The following LSAMP variants were observed in gnomAD, a reference collection of about 807,000 sequenced individuals.
The protein encoded by LSAMP is limbic system-associated membrane protein.
A neutral mutation model predicts 38.6 loss-of-function variants in LSAMP; 7 were observed. The observed-to-expected ratio is 0.18, with a 90% CI of 0.10 to 0.34. The LOEUF (loss-of-function observed/expected upper bound fraction) is 0.34. Ranked by LOEUF, LSAMP falls within the 10% of genes least tolerant of loss-of-function variation. The probability of loss-of-function intolerance (pLI) is 1.00; values close to 1 mark genes in which losing one functional copy is unlikely to be tolerated. For synonymous variants in LSAMP, 154 were observed against 166.8 expected (o/e 0.92, Z 0.59); for missense variants, 313 against 420.0 (o/e 0.75, Z 2.23).
At position 116,388,687 on chromosome 3, in the gene LSAMP, C is replaced by G. The variant is rs1159484710; in HGVS notation, c.155+56190G>C. Among the ~76,000 whole-genome samples the G allele has an allele frequency of 3.0e-4, 46 of 152,112 alleles. 1 individual carries two copies. The highest frequency in any genetic ancestry group is 2.2e-4 in the Non-Finnish European group (15 of 68,012). On this transcript the variant is annotated intron_variant, in intron 1 of 6. Coordinates refer to ENST00000490035, the MANE Select transcript of LSAMP (RefSeq NM_002338.5). ...TTCTCTGCTCCTTATTCCCAATAAA[C>G]AAAGTAAAGAGCCTGAAATATCCAA...
At chr3:116,321,263 C>T (rs368273550) in intron 1 of LSAMP, among the ~76,000 whole-genome samples, 1 of 152,066 alleles carries the variant, frequency 6.6e-6, no homozygotes, top group Non-Finnish European at 1.5e-5. Context: ...GTCCCAGCTA[C>T]TTGGGAGGCT....
At chr3:116,343,442 A>G (rs1442282303) in intron 1 of LSAMP, among the ~76,000 whole-genome samples, 4 of 152,152 alleles carry the variant, frequency 2.6e-5, no homozygotes, top group African/African-American at 9.7e-5. Context: ...TGTTATTTAT[A>G]TTCTAATGGT....
At chr3:116,380,409 TA>T (rs1481090299) in intron 1 of LSAMP, among the ~76,000 whole-genome samples, 1 of 152,036 alleles carries the variant, frequency 6.6e-6, no homozygotes, top group Non-Finnish European at 1.5e-5. Context: ...TTATGTCCTA[TA>T]TTTCCTTTAT....
At chr3:116,411,608 T>A (rs1238103166) in intron 1 of LSAMP, among the ~76,000 whole-genome samples, 1 of 114,344 alleles carries the variant, frequency 8.7e-6, no homozygotes, top group Non-Finnish European at 1.7e-5. Context: ...GGGGAACATC[T>A]CACTCTGGGG....
intron 1 of LSAMP, among the ~76,000 whole-genome samples, chr3:116,094,615 C>A (rs936570186): frequency 6.6e-6 from 1 of 152,124 alleles, no homozygotes; most frequent in Non-Finnish European, 1.5e-5. Context: ...GTAAGAACAC[C>A]GAGGTAGTAG....
chr3:116,217,573 G>C (rs1220739182), intron 1 of LSAMP, among the ~76,000 whole-genome samples: 1 of 152,160 alleles, frequency 6.6e-6, no homozygotes, highest in Non-Finnish European at 1.5e-5. Flanking sequence ...GTGAGAAGAA[G>C]TACATTGGAT....
chr3:116,269,464 T>A (rs2046941017), intron 1 of LSAMP, among the ~76,000 whole-genome samples: 1 of 152,112 alleles, frequency 6.6e-6, no homozygotes, highest in Non-Finnish European at 1.5e-5. Flanking sequence ...AACAAATATT[T>A]GCTCAAGTTT....
intron 1 of LSAMP, among the ~76,000 whole-genome samples, chr3:116,200,167 T>C (rs2045970473): frequency 6.6e-6 from 1 of 151,868 alleles, no homozygotes; most frequent in South Asian, 2.1e-4. Context: ...AACTTGTTGA[T>C]CAACTAATAA....
chr3:115,846,218 C>T (rs1935153868), intron 4 of LSAMP, among the ~76,000 whole-genome samples: 1 of 152,076 alleles, frequency 6.6e-6, no homozygotes, highest in African/African-American at 2.4e-5. Context: ...ACAGAGAGGT[C>T]CATTGTTATT....
chr3:116,165,439 A>T (rs1467026109), intron 1 of LSAMP, among the ~76,000 whole-genome samples: 1 of 152,180 alleles, frequency 6.6e-6, no homozygotes, highest in African/African-American at 2.4e-5. Flanking sequence ...CACCTAGTGG[A>T]GCAATTGGAG....
chr3:115,901,871 C>T (rs1417367640), intron 3 of LSAMP, among the ~76,000 whole-genome samples: 1 of 151,916 alleles, frequency 6.6e-6, no homozygotes, highest in Non-Finnish European at 1.5e-5. Context: ...CAAAAATTGA[C>T]CACATTCAGA....
intron 1 of LSAMP, among the ~76,000 whole-genome samples, chr3:116,172,818 T>C (rs908382355): frequency 1.3e-5 from 2 of 152,010 alleles, no homozygotes; most frequent in Admixed American, 6.6e-5. Context: ...CTTGATAACC[T>C]AAAGGTAAGG....
chr3:116,110,744 G>A (rs950314453), intron 1 of LSAMP, among the ~76,000 whole-genome samples: 1 of 152,168 alleles, frequency 6.6e-6, no homozygotes, highest in African/African-American at 2.4e-5. Context: ...AAGAGCAGGA[G>A]AACAGGGGAT....
chr3:116,413,914 C>A lies in LSAMP; in HGVS notation c.155+30963G>T, dbSNP rs988616205. ...TCACAGAAAATTACAAAAAAAAAAA[C>A]AAACCAAAAAAACAGGAAACTGCTT... On this transcript the variant is annotated intron_variant, in intron 1 of 6. Transcript: ENST00000490035. Among the ~76,000 whole-genome samples the A allele has an allele frequency of 3.6e-3, 461 of 128,396 alleles. 2 individuals are homozygous for A. Among genetic ancestry groups the A allele is most frequent in the African/African-American group, 0.011 (388 of 36,594 alleles). 84.2% of individuals were successfully genotyped at this position (128,396 alleles called of 152,430 possible).
chr3:115,857,843 G>A (rs2107530284), intron 3 of LSAMP, among the ~76,000 whole-genome samples: 1 of 152,270 alleles, frequency 6.6e-6, no homozygotes, highest in East Asian at 1.9e-4. Context: ...AGGGCCTAGA[G>A]CTAATGGCAA....
At chr3:116,125,754 T>A (rs9868784) in intron 1 of LSAMP, among the ~76,000 whole-genome samples, 1 of 152,058 alleles carries the variant, frequency 6.6e-6, no homozygotes, top group Non-Finnish European at 1.5e-5. Flanking sequence ...AATAAATAAA[T>A]AGAGAAAAAG....
At chr3:116,275,772 C>T (rs2047043123) in intron 1 of LSAMP, among the ~76,000 whole-genome samples, 1 of 152,148 alleles carries the variant, frequency 6.6e-6, no homozygotes, top group African/African-American at 2.4e-5. Context: ...ATTTCCATCT[C>T]TAATTCCTAC....
chr3:115,987,462 C>G (rs889814130), intron 3 of LSAMP, among the ~76,000 whole-genome samples: 1 of 152,136 alleles, frequency 6.6e-6, no homozygotes. Context: ...AAACAATATT[C>G]GTTTAACCTT....
chr3:116,041,445 T>C (rs1941168225), intron 2 of LSAMP, among the ~76,000 whole-genome samples: 1 of 152,074 alleles, frequency 6.6e-6, no homozygotes, highest in Admixed American at 6.6e-5. Context: ...CAAAGGCCTC[T>C]GAATTTAGGC....
Sources: allele counts gnomAD v4.1 joint callset (sites outside exome capture counted in the v4.1 genomes callset), GRCh38; gene constraint gnomAD v4.1.1; transcripts MANE v1.5; gene names NCBI Gene and HGNC (gene_info 2026-07-23, HGNC 2026-07-21).